NOX4: variants seen among roughly 807,000 people sequenced by gnomAD.
NOX4 encodes NADPH oxidase 4.
Under a neutral mutation model 87.6 loss-of-function variants are expected in NOX4, and 69 were observed. The ratio of observed to expected loss-of-function variants is 0.79; its 90% CI spans 0.65 to 0.96. The LOEUF (loss-of-function observed/expected upper bound fraction) is 0.96, where lower values mean the gene tolerates loss of function less well. NOX4 is among the 40% of genes least tolerant of loss of function. The pLI is 0.00. For synonymous variants in NOX4, 275 were observed against 238.2 expected (o/e 1.15, Z -1.42); for missense variants, 680 against 681.5 (o/e 1.00, Z 0.02).
the NOX4 span, among the ~76,000 whole-genome samples, chr11:89,558,151 C>CA: frequency 6.6e-6 from 1 of 151,822 alleles, no homozygotes; most frequent in East Asian, 1.9e-4. Context: ...TTTACTTATG[C>CA]AAAAGAGTCA....
At chr11:89,413,827 AT>A (rs1357363591) in intron 8 of NOX4, among the ~76,000 whole-genome samples, 1 of 152,144 alleles carries the variant, frequency 6.6e-6, no homozygotes. Context: ...TGAATATCTC[AT>A]TTATGCAAAT....
At chr11:89,485,266 A>G (rs963138515) in intron 2 of NOX4, among the ~76,000 whole-genome samples, 1 of 152,174 alleles carries the variant, frequency 6.6e-6, no homozygotes, top group Non-Finnish European at 1.5e-5. Flanking sequence ...CTTCAAGATC[A>G]TGCAGCAGAT....
chr11:89,541,194 TAGA>T, the NOX4 span, among the ~76,000 whole-genome samples: 478 of 152,326 alleles, frequency 3.1e-3, 5 homozygotes, highest in Non-Finnish European at 1.2e-3. Flanking sequence ...TATAGAAAGT[TAGA>T]AGAAGCAGTT....
chr11:89,385,881 G>A (rs192224408), intron 11 of NOX4, among the ~76,000 whole-genome samples: 165 of 152,182 alleles, frequency 1.1e-3, no homozygotes, highest in Non-Finnish European at 1.9e-3. Flanking sequence ...CTTCCCTTCC[G>A]TCAGACATAA....
chr11:89,356,949 G>T (rs889780794), intron 12 of NOX4, among the ~76,000 whole-genome samples: 1 of 152,060 alleles, frequency 6.6e-6, no homozygotes, highest in Admixed American at 6.6e-5. Flanking sequence ...TGATACGGTC[G>T]CACAGTCAGG....
rs979020487 is a variant in NOX4, at chr11:89,490,768, T to C, written c.58-215A>G. On this transcript the variant is annotated intron_variant, in intron 1 of 17. Coordinates refer to ENST00000263317, the MANE Select transcript of NOX4 (RefSeq NM_016931.5). ...GCCCTTTCACCTGAGACTAAGCATT[T>C]GGGTTGCAAATAGGTTTCCTAAATG... 8.6e-6 allele frequency: 6 copies of C among 694,790 alleles called. No homozygotes were observed. The African/African-American group carries it at 1.1e-4, about 12-fold the overall frequency. 43.0% of individuals were successfully genotyped at this position (694,790 alleles called of 1,614,324 possible).
intron 2 of NOX4, among the ~76,000 whole-genome samples, chr11:89,479,361 T>C (rs1317672265): frequency 6.6e-6 from 1 of 152,190 alleles, no homozygotes; most frequent in Non-Finnish European, 1.5e-5. Context: ...ATCACATTAA[T>C]GAGATTATTT....
intron 6 of NOX4, among the ~76,000 whole-genome samples, chr11:89,433,746 C>A (rs1943935511): frequency 6.6e-6 from 1 of 151,926 alleles, no homozygotes; most frequent in Non-Finnish European, 1.5e-5. Context: ...TCAGATATGG[C>A]ATAACATTTG....
At chr11:89,383,474 C>T (rs1211309870) in intron 11 of NOX4, among the ~76,000 whole-genome samples, 4 of 152,188 alleles carry the variant, frequency 2.6e-5, no homozygotes, top group Non-Finnish European at 5.9e-5. Context: ...TGCCCGATCG[C>T]CTCTGAAGCC....
At chr11:89,471,985 T>G (rs115167474) in intron 2 of NOX4, among the ~76,000 whole-genome samples, 4,017 of 152,170 alleles carry the variant, frequency 0.026, 180 homozygotes, top group African/African-American at 0.09. Flanking sequence ...CAAGTGATCT[T>G]CCCACCTTGG....
intron 7 of NOX4, among the ~76,000 whole-genome samples, chr11:89,429,884 TG>T (rs748557150): frequency 2.6e-5 from 4 of 152,164 alleles, no homozygotes; most frequent in African/African-American, 7.2e-5. Context: ...TACCAAAGCC[TG>T]GCAGAGACAC....
intron 2 of NOX4, among the ~76,000 whole-genome samples, chr11:89,486,550 GTA>G (rs1245898915): frequency 7.6e-5 from 11 of 145,546 alleles, no homozygotes; most frequent in Admixed American, 1.4e-4. Context: ...ATATATGTGT[GTA>G]TATATGTGTA....
chr11:89,410,014 AC>A (rs1318316159), intron 8 of NOX4, among the ~76,000 whole-genome samples: 1 of 152,028 alleles, frequency 6.6e-6, no homozygotes, highest in Non-Finnish European at 1.5e-5. Context: ...TTGAGGCCAG[AC>A]TTTTGAGACC....
At chr11:89,414,717 T>C (rs924882063) in intron 8 of NOX4, among the ~76,000 whole-genome samples, 10 of 151,852 alleles carry the variant, frequency 6.6e-5, no homozygotes, top group Non-Finnish European at 1.2e-4. Context: ...AGGAAACATT[T>C]ATCAGGCAGC....
intron 2 of NOX4, among the ~76,000 whole-genome samples, chr11:89,483,489 A>G (rs746990054): frequency 1.1e-4 from 17 of 152,038 alleles, no homozygotes; most frequent in Non-Finnish European, 2.2e-4. Context: ...AAGTAAAATA[A>G]GCCAGGCACA....
intron 11 of NOX4, among the ~76,000 whole-genome samples, chr11:89,386,335 C>T (rs1940698869): frequency 6.6e-6 from 1 of 152,164 alleles, no homozygotes; most frequent in African/African-American, 2.4e-5. Flanking sequence ...CCCTTGTTTA[C>T]ACTGCCAGTT....
chr11:89,570,088 G>A, the NOX4 span, among the ~76,000 whole-genome samples: 5 of 151,952 alleles, frequency 3.3e-5, no homozygotes, highest in Admixed American at 3.3e-4. Context: ...CAATAGCAAA[G>A]ATGTGGAATC....
rs796849804 is a variant in NOX4, at chr11:89,374,064, A to C, written c.1075-572T>G. On this transcript the variant is annotated intron_variant, in intron 11 of 17. Coordinates refer to ENST00000263317, the MANE Select transcript of NOX4 (RefSeq NM_016931.5). Reference sequence around the variant, plus strand: ...TGAGTTGTGGAAGTGTAGGTAAAAAAAGTGCTTTATGGTCCCATATTTAGG... The same window carrying C: ...TGAGTTGTGGAAGTGTAGGTAAAAACAGTGCTTTATGGTCCCATATTTAGG... 1.1e-4 allele frequency among the ~76,000 whole-genome samples: 17 copies of C among 152,176 alleles called. 1 individual carries two copies. Among genetic ancestry groups the C allele is most frequent in the African/African-American group, 4.1e-4 (17 of 41,544 alleles).
the NOX4 span, among the ~76,000 whole-genome samples, chr11:89,510,707 T>G: frequency 6.6e-6 from 1 of 152,198 alleles, no homozygotes; most frequent in Non-Finnish European, 1.5e-5. Flanking sequence ...TTTGATAAAT[T>G]TTTTTGAAAT....
Sources: allele counts gnomAD v4.1 joint callset (sites outside exome capture counted in the v4.1 genomes callset), GRCh38; gene constraint gnomAD v4.1.1; transcripts MANE v1.5; gene names NCBI Gene and HGNC (gene_info 2026-07-23, HGNC 2026-07-21).